The following ITPK1 variants were observed in gnomAD, a reference collection of about 807,000 sequenced individuals.
ITPK1 encodes the protein inositol 1,3,4-trisphosphate 5/6-kinase.
ITPK1 carries 21 observed loss-of-function variants against 45.3 expected under a neutral mutation model. The ratio of observed to expected loss-of-function variants is 0.46; its 90% CI spans 0.33 to 0.67. The LOEUF (loss-of-function observed/expected upper bound fraction) is 0.67. ITPK1 is among the 30% of genes least tolerant of loss of function. The probability of loss-of-function intolerance (pLI) is 0.02; values close to 1 mark genes in which losing one functional copy is unlikely to be tolerated. For synonymous variants in ITPK1, 258 were observed against 253.6 expected, an observed-to-expected ratio of 1.02 and a Z score of -0.16; for missense variants, 474 against 573.5, an observed-to-expected ratio of 0.83 and a Z score of 1.77.
chr14:93,102,170 T>C (rs762122534), intron 2 of ITPK1, among the ~76,000 whole-genome samples: 15 of 152,248 alleles, frequency 9.9e-5, no homozygotes, highest in Non-Finnish European at 2.1e-4. Context: ...TCCTGATATG[T>C]AGACAAAGGT....
intron 3 of ITPK1, among the ~76,000 whole-genome samples, chr14:93,027,695 C>T (rs1888810014): frequency 6.6e-6 from 1 of 152,186 alleles, no homozygotes; most frequent in South Asian, 2.1e-4. Flanking sequence ...GTGCACTAGT[C>T]ACTGAGTAAG....
chr14:92,961,363 T>C (rs909502788), intron 7 of ITPK1, among the ~76,000 whole-genome samples: 5 of 152,202 alleles, frequency 3.3e-5, no homozygotes, highest in African/African-American at 9.7e-5. Flanking sequence ...TGGCTCTCTC[T>C]AGGGACAGGA....
chr14:93,001,630 T>C (rs542023593), intron 4 of ITPK1, among the ~76,000 whole-genome samples: 1 of 152,320 alleles, frequency 6.6e-6, no homozygotes, highest in South Asian at 2.1e-4. Flanking sequence ...AGGGCCTGTG[T>C]GTTCAGTTAA....
At chr14:92,968,287 C>T (rs990778975) in intron 5 of ITPK1, among the ~76,000 whole-genome samples, 2 of 151,842 alleles carry the variant, frequency 1.3e-5, no homozygotes, top group East Asian at 1.9e-4. Context: ...GCCAAGATCG[C>T]GTCACTGCAC....
At chr14:93,023,087 C>A (rs1051452604) in intron 3 of ITPK1, among the ~76,000 whole-genome samples, 3 of 151,700 alleles carry the variant, frequency 2.0e-5, no homozygotes, top group African/African-American at 7.3e-5. Flanking sequence ...CCATGTTTGG[C>A]CAGGCTGGTC....
chr14:93,037,133 C>A (rs1889359449), intron 3 of ITPK1, among the ~76,000 whole-genome samples: 1 of 152,206 alleles, frequency 6.6e-6, no homozygotes, highest in South Asian at 2.1e-4. Flanking sequence ...AGTCCCAATC[C>A]CTGGGGCCTA....
intron 2 of ITPK1, among the ~76,000 whole-genome samples, chr14:93,101,462 C>T (rs377135871): frequency 1.1e-4 from 16 of 152,202 alleles, no homozygotes; most frequent in Non-Finnish European, 1.9e-4. Context: ...CATGTGCTGA[C>T]CCCCTCCTAT....
intron 5 of ITPK1, among the ~76,000 whole-genome samples, chr14:92,981,508 C>T (rs1288253721): frequency 6.6e-6 from 1 of 152,218 alleles, no homozygotes; most frequent in East Asian, 1.9e-4. Context: ...ACCACCCCTT[C>T]CTGTGGCCCC....
chr14:93,059,844 G>A (rs1230931998), intron 3 of ITPK1, among the ~76,000 whole-genome samples: 3 of 121,262 alleles, frequency 2.5e-5, no homozygotes, highest in African/African-American at 6.4e-5. Flanking sequence ...TGAGGGTCCC[G>A]AAGCAGGAGT....
At chr14:93,021,169 T>A (rs1032100179) in intron 3 of ITPK1, among the ~76,000 whole-genome samples, 1 of 152,080 alleles carries the variant, frequency 6.6e-6, no homozygotes. Context: ...GACTTATTCC[T>A]CTGCCCTCTC....
At chr14:93,005,876 C>A (rs1887585285) in intron 4 of ITPK1, among the ~76,000 whole-genome samples, 1 of 152,186 alleles carries the variant, frequency 6.6e-6, no homozygotes, top group Non-Finnish European at 1.5e-5. Flanking sequence ...GGCCGTTTAA[C>A]ATGCAGCAGT....
intron 2 of ITPK1, among the ~76,000 whole-genome samples, chr14:93,096,615 C>T (rs1595212838): frequency 6.6e-6 from 1 of 152,242 alleles, no homozygotes; most frequent in South Asian, 2.1e-4. Context: ...GGAAACAACA[C>T]AGGCACCCAG....
intron 3 of ITPK1, among the ~76,000 whole-genome samples, chr14:93,019,845 C>T (rs1888379495): frequency 1.3e-5 from 2 of 152,170 alleles, no homozygotes; most frequent in Admixed American, 1.3e-4. Flanking sequence ...GGCAGGTCTC[C>T]CAGATGCGAT....
At chr14:93,003,788 G>C (rs7146858) in intron 4 of ITPK1, among the ~76,000 whole-genome samples, 2 of 152,132 alleles carry the variant, frequency 1.3e-5, no homozygotes, top group Non-Finnish European at 2.9e-5. Context: ...CGAGCGCGTG[G>C]GTCCTGGGGC....
intron 10 of ITPK1, among the ~76,000 whole-genome samples, chr14:92,945,027 C>T (rs1887615152): frequency 6.6e-6 from 1 of 152,228 alleles, no homozygotes; most frequent in South Asian, 2.1e-4. Context: ...CTCCACGGTG[C>T]CTCTCCTGGG....
intron 3 of ITPK1, chr14:93,071,856 AATTTCCTGTG>A (rs1433886439): frequency 3.3e-5 from 5 of 152,126 alleles, no homozygotes; most frequent in African/African-American, 1.2e-4. Flanking sequence ...AATTTTTTTT[AATTTCCTGTG>A]ATTTCCTGTG....
intron 5 of ITPK1, among the ~76,000 whole-genome samples, chr14:92,973,903 G>A (rs117145538): frequency 6.6e-6 from 1 of 152,228 alleles, no homozygotes; most frequent in Admixed American, 6.5e-5. Flanking sequence ...ACAAGGTCCT[G>A]TCCACGTGGC....
chr14:93,077,712 C>A (rs1399058453), intron 2 of ITPK1, among the ~76,000 whole-genome samples: 1 of 152,172 alleles, frequency 6.6e-6, no homozygotes, highest in Non-Finnish European at 1.5e-5. Flanking sequence ...CTGGTGCCCA[C>A]CTCCCACCCC....
chr14:92,953,734 T>C (rs1158884725), intron 8 of ITPK1, among the ~76,000 whole-genome samples: 1 of 152,114 alleles, frequency 6.6e-6, no homozygotes, highest in African/African-American at 2.4e-5. Context: ...ACGTGGGTGC[T>C]GAGTGGGTGC....
Sources: allele counts gnomAD v4.1 joint callset (sites outside exome capture counted in the v4.1 genomes callset), GRCh38; gene constraint gnomAD v4.1.1; transcripts MANE v1.5; gene names NCBI Gene and HGNC (gene_info 2026-07-23, HGNC 2026-07-21).